C10orf90: variants seen among roughly 807,000 people sequenced by gnomAD.
C10orf90 encodes chromosome 10 open reading frame 90.
A neutral mutation model predicts 62.5 loss-of-function variants in C10orf90; 56 were observed. That is an observed-to-expected ratio of 0.90 (90% CI 0.72 to 1.12). C10orf90 has a LOEUF of 1.12. C10orf90 is among the 50% of genes most tolerant of loss of function. C10orf90 has a pLI of 0.00. For synonymous variants in C10orf90, 386 were observed against 340.4 expected, an observed-to-expected ratio of 1.13 and a Z score of -1.47; for missense variants, 970 against 880.4, an observed-to-expected ratio of 1.10 and a Z score of -1.29.
intron 4 of C10orf90, among the ~76,000 whole-genome samples, chr10:126,495,713 A>C (rs1413583851): frequency 6.6e-6 from 1 of 152,174 alleles, no homozygotes; most frequent in Non-Finnish European, 1.5e-5. Flanking sequence ...AAACTCACCA[A>C]GTCAAAGGAA....
intron 2 of C10orf90, among the ~76,000 whole-genome samples, chr10:126,592,309 G>A (rs1044904532): frequency 2.6e-5 from 4 of 152,164 alleles, no homozygotes; most frequent in African/African-American, 9.7e-5. Flanking sequence ...TAAGGCTACA[G>A]TAACCAAAAC....
chr10:126,560,567 C>T (rs1864878523), intron 2 of C10orf90, among the ~76,000 whole-genome samples: 2 of 152,100 alleles, frequency 1.3e-5, no homozygotes, highest in South Asian at 4.1e-4. Context: ...TGGGCATCAT[C>T]GAAAATGTAA....
At chr10:126,544,737 C>T (rs1176171143) in intron 2 of C10orf90, among the ~76,000 whole-genome samples, 3 of 152,100 alleles carry the variant, frequency 2.0e-5, no homozygotes, top group South Asian at 2.1e-4. Flanking sequence ...AGTGAATAAT[C>T]GCATAATTCA....
At chr10:126,646,332 G>A (rs1234346025) in intron 2 of C10orf90, among the ~76,000 whole-genome samples, 1 of 152,186 alleles carries the variant, frequency 6.6e-6, no homozygotes, top group Admixed American at 6.5e-5. Flanking sequence ...GGTCCCAAAG[G>A]CACCCCTGAA....
intron 2 of C10orf90, among the ~76,000 whole-genome samples, chr10:126,604,115 C>T (rs1357722835): frequency 2.0e-5 from 3 of 152,204 alleles, no homozygotes; most frequent in Non-Finnish European, 2.9e-5. Context: ...CCCTTCCACC[C>T]ACCTTGACAG....
At chr10:126,439,246 C>CA (rs1196682716) in intron 7 of C10orf90, among the ~76,000 whole-genome samples, 8 of 152,150 alleles carry the variant, frequency 5.3e-5, no homozygotes, top group African/African-American at 1.9e-4. Context: ...TATGCCTCTG[C>CA]ACCCTCACTA....
chr10:126,539,975 G>C (rs1864335886), intron 2 of C10orf90, among the ~76,000 whole-genome samples: 1 of 152,086 alleles, frequency 6.6e-6, no homozygotes, highest in South Asian at 2.1e-4. Flanking sequence ...GTAAATCCAA[G>C]GGTTTTAACT....
At chr10:126,635,765 G>T (rs1285705734) in intron 2 of C10orf90, among the ~76,000 whole-genome samples, 1 of 152,178 alleles carries the variant, frequency 6.6e-6, no homozygotes, top group Non-Finnish European at 1.5e-5. Context: ...TTCAGCCAGA[G>T]CTCCTCCACT....
At chr10:126,465,587 A>C (rs547699435) in intron 4 of C10orf90, among the ~76,000 whole-genome samples, 1 of 152,284 alleles carries the variant, frequency 6.6e-6, no homozygotes, top group South Asian at 2.1e-4. Flanking sequence ...TTGCAGAAGC[A>C]TTGGTGCTGA....
At chr10:126,500,375 C>T (rs916973135) in intron 4 of C10orf90, among the ~76,000 whole-genome samples, 1 of 152,184 alleles carries the variant, frequency 6.6e-6, no homozygotes, top group African/African-American at 2.4e-5. Flanking sequence ...ATTTAATCTT[C>T]AAGCCTCATT....
At chr10:126,516,485 T>C (rs1340657978) in intron 2 of C10orf90, among the ~76,000 whole-genome samples, 1 of 152,182 alleles carries the variant, frequency 6.6e-6, no homozygotes, top group East Asian at 1.9e-4. Context: ...ATCCTTTGGT[T>C]CCTCACCATG....
At chr10:126,461,735 A>T (rs1321172988) in intron 5 of C10orf90, 150 bp from the exon 6 acceptor site, 2 of 812,940 alleles carry the variant, frequency 2.5e-6, no homozygotes, top group African/African-American at 3.6e-5. Flanking sequence ...ATCATGCCTC[A>T]TCACAGAGCC....
chr10:126,605,137 T>A (rs1369217756), intron 2 of C10orf90, among the ~76,000 whole-genome samples: 1 of 152,230 alleles, frequency 6.6e-6, no homozygotes, highest in Non-Finnish European at 1.5e-5. Context: ...AATAAAAACT[T>A]TATTCTGAAA....
At chr10:126,479,648 C>T (rs1861069607) in intron 4 of C10orf90, among the ~76,000 whole-genome samples, 1 of 152,228 alleles carries the variant, frequency 6.6e-6, no homozygotes, top group Admixed American at 6.5e-5. Context: ...TATTTATACA[C>T]ATGGGGGTTA....
rs774633302 is a variant in C10orf90 at position 126,464,855 on chromosome 10, C to T, written c.1666G>A (p.Asp556Asn). The T allele has an allele frequency of 9.3e-6, 15 of 1,614,182 alleles. No individual in the cohort carries two copies. The highest frequency in any genetic ancestry group is 1.3e-5 in the Non-Finnish European group (15 of 1,180,032). ...TCAGAAAGGTCTCTAGACAGACAGTCATCGCTTGGAGAGCTATCCCCAATG... is the reference window on the plus strand; with the variant it reads ...TCAGAAAGGTCTCTAGACAGACAGTTATCGCTTGGAGAGCTATCCCCAATG... ...LPIGDSSPSD[D>N]CLSRDLSEPT... Residue 556 changes from aspartate to asparagine, a missense_variant, in exon 5 of 10, where the codon GAC (aspartate) becomes AAC (asparagine). Physicochemically the swap from Asp to Asn is conservative, Grantham distance 23. Coordinates refer to ENST00000488181, the MANE Select transcript of C10orf90 (RefSeq NM_001350921.2).
chr10:126,579,275 CTTT>C (rs35287358), intron 2 of C10orf90, among the ~76,000 whole-genome samples: 1,582 of 124,560 alleles, frequency 0.013, 37 homozygotes, highest in African/African-American at 0.052. Flanking sequence ...TTCTTTCTTT[CTTT>C]TTTTTTTTTT....
chr10:126,525,947 C>T (rs1029225438), intron 2 of C10orf90, among the ~76,000 whole-genome samples: 1 of 151,584 alleles, frequency 6.6e-6, no homozygotes, highest in African/African-American at 2.4e-5. Context: ...TAGGCAAGAA[C>T]AGGGAAACCG....
intron 7 of C10orf90, among the ~76,000 whole-genome samples, chr10:126,434,711 C>T (rs1397607347): frequency 6.6e-6 from 1 of 152,140 alleles, no homozygotes; most frequent in African/African-American, 2.4e-5. Flanking sequence ...TAAGGGAACC[C>T]CCAACATGTG....
chr10:126,478,083 C>T (rs1303825650), intron 4 of C10orf90, among the ~76,000 whole-genome samples: 1 of 152,196 alleles, frequency 6.6e-6, no homozygotes, highest in Non-Finnish European at 1.5e-5. Context: ...ACTTGGAATA[C>T]AGGCCCTTGG....
Sources: gnomAD v4.1 joint callset for allele counts (sites outside exome capture counted in the v4.1 genomes callset) on GRCh38, gnomAD v4.1.1 for gene constraint, MANE v1.5 for transcripts, NCBI Gene and HGNC (gene_info 2026-07-23, HGNC 2026-07-21) for gene names.